The following ERC1 variants were observed in gnomAD, a reference collection of about 807,000 sequenced individuals.
ERC1 encodes RAB6 interacting protein 2.
A neutral mutation model predicts 132.0 loss-of-function variants in ERC1; 56 were observed. The observed-to-expected ratio is 0.42, with a 90% CI of 0.34 to 0.53. The LOEUF (loss-of-function observed/expected upper bound fraction) is 0.53. Ranked by LOEUF, ERC1 falls within the 20% of genes least tolerant of loss-of-function variation. The probability of loss-of-function intolerance (pLI) is 0.03; values close to 1 mark genes in which losing one functional copy is unlikely to be tolerated. For missense variants in ERC1, 1,202 were observed against 1,349.9 expected, an observed-to-expected ratio of 0.89 and a Z score of 1.72; for synonymous variants, 478 against 476.1, an observed-to-expected ratio of 1.00 and a Z score of -0.05.
intron 18 of ERC1, among the ~76,000 whole-genome samples, chr12:1,469,379 T>G (rs556553717): frequency 7.9e-5 from 12 of 152,358 alleles, no homozygotes; most frequent in African/African-American, 2.6e-4. Flanking sequence ...AGTGGGTGAT[T>G]CCATGCCTTT....
rs924927311 is a variant in ERC1, at chr12:1,370,888, C to T, written c.2781-945C>T. 5.9e-5 allele frequency among the ~76,000 whole-genome samples: 9 copies of T among 152,186 alleles called. No homozygotes were observed. In the East Asian group the frequency reaches 1.5e-3, roughly 26 times the overall value. On this transcript the variant is annotated intron_variant, in intron 15 of 18. Transcript: ENST00000360905. Reference sequence around the variant, plus strand: ...GACCAGAAGCGTGTGCCACCGCACCCAGCTAATTTTTGTATGGTTTTGCCA... The same window carrying T: ...GACCAGAAGCGTGTGCCACCGCACCTAGCTAATTTTTGTATGGTTTTGCCA...
chr12:1,485,979 T>C (rs2094209319), intron 18 of ERC1, among the ~76,000 whole-genome samples: 1 of 152,244 alleles, frequency 6.6e-6, no homozygotes, highest in Admixed American at 6.5e-5. Flanking sequence ...TAAGCAAGAA[T>C]ACAACCATAA....
chr12:1,451,356 T>C (rs1387070831), intron 18 of ERC1, among the ~76,000 whole-genome samples: 1 of 152,248 alleles, frequency 6.6e-6, no homozygotes, highest in African/African-American at 2.4e-5. Context: ...CTCATGCCTG[T>C]AATCCCAGCA....
At chr12:1,082,692 A>G (rs1420294448) in intron 2 of ERC1, among the ~76,000 whole-genome samples, 1 of 146,936 alleles carries the variant, frequency 6.8e-6, no homozygotes, top group Non-Finnish European at 1.5e-5. Context: ...GTTTCATCAT[A>G]TTGGTCAGAC....
At chr12:1,161,102 C>T (rs1420394585) in intron 8 of ERC1, among the ~76,000 whole-genome samples, 1 of 152,162 alleles carries the variant, frequency 6.6e-6, no homozygotes, top group Non-Finnish European at 1.5e-5. Flanking sequence ...TCTAAACCGT[C>T]CTCATTCCGC....
intron 14 of ERC1, among the ~76,000 whole-genome samples, chr12:1,286,169 C>G (rs1325326388): frequency 1.3e-5 from 2 of 151,642 alleles, no homozygotes; most frequent in African/African-American, 4.8e-5. Flanking sequence ...TGGTGCATAC[C>G]TGTAATCTCA....
intron 17 of ERC1, among the ~76,000 whole-genome samples, chr12:1,414,766 G>A (rs1435236292): frequency 6.6e-6 from 1 of 151,690 alleles, no homozygotes; most frequent in Non-Finnish European, 1.5e-5. Flanking sequence ...ATGAGGACAG[G>A]GACTTTAATA....
chr12:1,253,855 G>T (rs767304870), intron 13 of ERC1, among the ~76,000 whole-genome samples: 5 of 152,114 alleles, frequency 3.3e-5, no homozygotes, highest in Non-Finnish European at 7.4e-5. Context: ...CTATAGTTAG[G>T]CTGTCCCAAC....
chr12:1,055,214 C>G (rs1972727558), intron 2 of ERC1, among the ~76,000 whole-genome samples: 2 of 151,950 alleles, frequency 1.3e-5, no homozygotes, highest in Admixed American at 1.3e-4. Context: ...GAGTCTCACT[C>G]TATCACCCAG....
At chr12:1,343,479 C>T (rs1029784993) in intron 15 of ERC1, among the ~76,000 whole-genome samples, 5 of 152,146 alleles carry the variant, frequency 3.3e-5, no homozygotes, top group African/African-American at 9.7e-5. Flanking sequence ...CCAGGAATAT[C>T]GTATCTAGTA....
At chr12:1,278,765 G>C (rs1021236336) in intron 14 of ERC1, among the ~76,000 whole-genome samples, 1 of 152,002 alleles carries the variant, frequency 6.6e-6, no homozygotes, top group African/African-American at 2.4e-5. Flanking sequence ...TAATTACCTT[G>C]TGTTTATCTT....
Position 1,084,065 on chromosome 12 carries a change from TA to T in ERC1, c.1086+489del, listed in dbSNP as rs377452565. Among the ~76,000 whole-genome samples, 746 of 152,320 alleles carry T rather than the reference TA, an allele frequency of 4.9e-3. 8 individuals are homozygous for T. Among genetic ancestry groups the T allele is most frequent in the African/African-American group, 0.016 (683 of 41,576 alleles). ...TTCCATGGAAACTGTTGCCTTGCTG[TA>T]AAAGATACGTGATAAAAATCATTGG... is the stretch of plus-strand genomic sequence containing the variant. On this transcript the variant is annotated intron_variant, in intron 3 of 18. Transcript: ENST00000360905.
chr12:1,301,009 G>C (rs73031222), intron 15 of ERC1, among the ~76,000 whole-genome samples: 1 of 145,910 alleles, frequency 6.9e-6, no homozygotes, highest in Non-Finnish European at 1.5e-5. Flanking sequence ...TTACTCAGCC[G>C]TTAAAAGTAA....
At chr12:1,023,110 A>G (rs1265546886) in intron 1 of ERC1, among the ~76,000 whole-genome samples, 1 of 152,182 alleles carries the variant, frequency 6.6e-6, no homozygotes, top group Non-Finnish European at 1.5e-5. Flanking sequence ...GGGTAGTTCT[A>G]CATAGAGCTT....
At chr12:1,036,096 A>G (rs1969019569) in intron 2 of ERC1, among the ~76,000 whole-genome samples, 1 of 152,184 alleles carries the variant, frequency 6.6e-6, no homozygotes, top group African/African-American at 2.4e-5. Flanking sequence ...TTTCATGAAC[A>G]AAATACTGTT....
At position 1,390,341 on chromosome 12, in the gene ERC1, T is replaced by A. The variant is rs114403902; in HGVS notation, c.2926-17808T>A. 2.8e-3 allele frequency among the ~76,000 whole-genome samples: 421 copies of A among 152,176 alleles called. 2 individuals carry two copies. Among genetic ancestry groups the A allele is most frequent in the African/African-American group, 9.3e-3 (386 of 41,534 alleles). On this transcript the variant is annotated intron_variant, in intron 16 of 18. Coordinates refer to ENST00000360905, the MANE Select transcript of ERC1 (RefSeq NM_178040.4). ...CAGTGTAACCCACAGTGACATAAAT[T>A]AAAATTTTAAAAAAATCAAGGATAC...
Position 1,408,191 on chromosome 12 carries a change from G to T in ERC1, c.2968G>T (p.Asp990Tyr). Residue 990 changes from aspartate (D) to tyrosine (Y), a missense_variant, in exon 17 of 19, where the codon GAC (aspartate) becomes TAC (tyrosine). Coordinates refer to ENST00000360905, the MANE Select transcript of ERC1 (RefSeq NM_178040.4). ...GCTAATGGCCGACAACTACGAGGAT[G>T]ACCACTTCAAATCCTCCCATTCCAA... ...MKLMADNYED[D>Y]HFKSSHSNQT... 1.2e-6 allele frequency: 2 copies of T among 1,613,970 alleles called. No homozygotes were observed. Among genetic ancestry groups the T allele is most frequent in the South Asian group, 2.2e-5 (2 of 91,048 alleles).
At chr12:1,310,586 G>A (rs1444834419) in intron 15 of ERC1, among the ~76,000 whole-genome samples, 1 of 152,142 alleles carries the variant, frequency 6.6e-6, no homozygotes, top group Non-Finnish European at 1.5e-5. Context: ...TAAAACATTT[G>A]GGAAATTAGG....
chr12:1,351,527 T>C (rs2084995198), intron 15 of ERC1, among the ~76,000 whole-genome samples: 1 of 152,218 alleles, frequency 6.6e-6, no homozygotes, highest in South Asian at 2.1e-4. Flanking sequence ...TATCTCATTG[T>C]TCTCATATGC....
Sources: gnomAD v4.1 joint callset for allele counts (sites outside exome capture counted in the v4.1 genomes callset) on GRCh38, gnomAD v4.1.1 for gene constraint, MANE v1.5 for transcripts, NCBI Gene and HGNC (gene_info 2026-07-23, HGNC 2026-07-21) for gene names.